Variants in DYM observed in about 807,000 individuals in gnomAD.
DYM encodes dyggve-Melchior-Clausen syndrome protein.
A neutral mutation model predicts 93.1 loss-of-function variants in DYM; 78 were observed. The observed-to-expected ratio is 0.84, with a 90% confidence interval of 0.70 to 1.01. DYM has a LOEUF of 1.01. DYM is among the 50% of genes least tolerant of loss of function. The pLI, the probability that DYM is intolerant of heterozygous loss-of-function variation, is 0.00. For missense variants in DYM, 789 were observed against 845.0 expected (o/e 0.93, Z 0.82); for synonymous variants, 321 against 319.7 (o/e 1.00, Z -0.04).
chr18:49,335,544 G>C (rs963569427), intron 6 of DYM, among the ~76,000 whole-genome samples: 1 of 152,184 alleles, frequency 6.6e-6, no homozygotes, highest in Non-Finnish European at 1.5e-5. Flanking sequence ...AGACAAACTT[G>C]ATGTTTCATG....
chr18:49,312,965 A>G (rs141742106), intron 8 of DYM, among the ~76,000 whole-genome samples: 1 of 152,304 alleles, frequency 6.6e-6, no homozygotes, highest in East Asian at 1.9e-4. Flanking sequence ...GGTGCCAGAG[A>G]TAAGGCGTTA....
chr18:49,218,120 A>C (rs1209667428), intron 13 of DYM, among the ~76,000 whole-genome samples: 1 of 152,172 alleles, frequency 6.6e-6, no homozygotes, highest in Non-Finnish European at 1.5e-5. Context: ...GTCTGATAAA[A>C]CAGACTTTAA....
intron 6 of DYM, 145 bp downstream of exon 6, chr18:49,363,016 A>G (rs2066170419): frequency 2.9e-6 from 2 of 681,854 alleles, no homozygotes; most frequent in African/African-American, 3.6e-5. Flanking sequence ...TATTAGGTAG[A>G]GAGAAAAGAA....
At chr18:49,375,983 AG>A (rs1317476885) in intron 5 of DYM, among the ~76,000 whole-genome samples, 1 of 152,084 alleles carries the variant, frequency 6.6e-6, no homozygotes, top group Non-Finnish European at 1.5e-5. Flanking sequence ...GTGGTTTGCC[AG>A]GGACTCTTGG....
At chr18:49,397,165 C>T (rs2070205577) in intron 2 of DYM, among the ~76,000 whole-genome samples, 1 of 151,888 alleles carries the variant, frequency 6.6e-6, no homozygotes, top group African/African-American at 2.4e-5. Context: ...CATATGGTAC[C>T]CCATAAATAT....
chr18:49,361,785 A>C (rs1415580401), intron 6 of DYM, among the ~76,000 whole-genome samples: 1 of 152,052 alleles, frequency 6.6e-6, no homozygotes, highest in Non-Finnish European at 1.5e-5. Flanking sequence ...CAGTGGCGTG[A>C]TCTCGGCTCA....
chr18:49,103,824 A>G (rs563610652), intron 16 of DYM, among the ~76,000 whole-genome samples: 13 of 151,876 alleles, frequency 8.6e-5, no homozygotes, highest in East Asian at 1.9e-4. Context: ...GCCTTGTAGT[A>G]TAGTTTGAAG....
chr18:49,174,754 C>T lies in DYM; in HGVS notation c.1626-10967G>A, dbSNP rs560244990. 4.6e-5 allele frequency among the ~76,000 whole-genome samples: 7 copies of T among 152,130 alleles called. No individual in the cohort carries two copies. In the East Asian group the frequency reaches 5.8e-4, roughly 13 times the overall value. ...TTAGAAGATTGTAAAGACGTAATCC[C>T]GGAGTTGGCTATGGTCACGCTTAGC... is the stretch of plus-strand genomic sequence containing the variant. On this transcript the variant is annotated intron_variant, in intron 14 of 17. Coordinates refer to ENST00000675505, the MANE Select transcript of DYM (RefSeq NM_001353214.3).
intron 8 of DYM, among the ~76,000 whole-genome samples, chr18:49,305,097 C>T (rs2061196034): frequency 6.6e-6 from 1 of 152,114 alleles, no homozygotes; most frequent in South Asian, 2.1e-4. Context: ...TCTCATTGTC[C>T]ATCGCCATCT....
At chr18:49,384,530 G>A (rs541199397) in intron 3 of DYM, among the ~76,000 whole-genome samples, 36 of 151,112 alleles carry the variant, frequency 2.4e-4, no homozygotes, top group African/African-American at 7.3e-4. Flanking sequence ...GGAGGCTGAG[G>A]TGGGACAATG....
chr18:49,058,779 C>T (rs1004813359), intron 17 of DYM, among the ~76,000 whole-genome samples: 1 of 152,010 alleles, frequency 6.6e-6, no homozygotes, highest in African/African-American at 2.4e-5. Context: ...AAGGAAATTC[C>T]AAATTTAAAT....
chr18:49,365,592 A>T (rs2066448403), intron 5 of DYM, among the ~76,000 whole-genome samples: 1 of 152,180 alleles, frequency 6.6e-6, no homozygotes, highest in African/African-American at 2.4e-5. Context: ...CGTTTGCTAA[A>T]TGGTCACTCC....
intron 16 of DYM, 99 bp downstream of exon 16, chr18:49,118,645 A>G (rs756457636): frequency 1.6e-4 from 183 of 1,141,374 alleles, no homozygotes; most frequent in Non-Finnish European, 2.1e-4. Context: ...TGTTGAAAGA[A>G]GAAACTCTTA....
At chr18:49,087,367 A>G (rs2078638786) in intron 17 of DYM, among the ~76,000 whole-genome samples, 1 of 152,252 alleles carries the variant, frequency 6.6e-6, no homozygotes, top group African/African-American at 2.4e-5. Context: ...CTACTCTAGG[A>G]TTACAAAGTA....
chr18:49,403,743 CT>C, intron 2 of DYM, among the ~76,000 whole-genome samples: 1 of 150,144 alleles, frequency 6.7e-6, no homozygotes, highest in East Asian at 2.0e-4. Flanking sequence ...CCCCCTCCTT[CT>C]TCCCCCCATA....
intron 8 of DYM, among the ~76,000 whole-genome samples, 170 bp from the exon 9 acceptor site, chr18:49,286,786 T>G (rs2059694493): frequency 6.6e-6 from 1 of 152,160 alleles, no homozygotes; most frequent in Non-Finnish European, 1.5e-5. Flanking sequence ...CTATAAAAAC[T>G]GGACAAAGAT....
At chr18:49,295,178 A>G (rs749144936) in intron 8 of DYM, among the ~76,000 whole-genome samples, 1 of 152,246 alleles carries the variant, frequency 6.6e-6, no homozygotes, top group African/African-American at 2.4e-5. Context: ...CTTTTCCTAC[A>G]TAAGTATAGT....
intron 5 of DYM, among the ~76,000 whole-genome samples, chr18:49,373,864 G>A (rs1405898076): frequency 6.6e-6 from 1 of 152,102 alleles, no homozygotes; most frequent in African/African-American, 2.4e-5. Flanking sequence ...CACTTCATGG[G>A]AAGGTTTGCA....
At chr18:49,355,439 C>CT (rs1365046071) in intron 6 of DYM, among the ~76,000 whole-genome samples, 1 of 151,930 alleles carries the variant, frequency 6.6e-6, no homozygotes, top group Non-Finnish European at 1.5e-5. Context: ...ACAATTGATA[C>CT]ACTGATCAAC....
Sources: allele counts gnomAD v4.1 joint callset (sites outside exome capture counted in the v4.1 genomes callset), GRCh38; gene constraint gnomAD v4.1.1; transcripts MANE v1.5; gene names NCBI Gene and HGNC (gene_info 2026-07-23, HGNC 2026-07-21).